The following INPP4B variants were observed in gnomAD, a reference collection of about 807,000 sequenced individuals.
INPP4B encodes inositol polyphosphate-4-phosphatase type II B, also known as inositol polyphosphate 4-phosphatase type II.
INPP4B carries 55 observed loss-of-function variants against 122.5 expected under a neutral mutation model. The ratio of observed to expected loss-of-function variants is 0.45; its 90% CI spans 0.36 to 0.56. The LOEUF (loss-of-function observed/expected upper bound fraction) is 0.56, where lower values mean the gene tolerates loss of function less well. Among genes scored for constraint, INPP4B ranks in the 20% least tolerant of loss-of-function variants. The pLI is 0.00. For missense variants in INPP4B, 1,000 were observed against 1,097.7 expected, an observed-to-expected ratio of 0.91 and a Z score of 1.26; for synonymous variants, 403 against 388.7, an observed-to-expected ratio of 1.04 and a Z score of -0.43.
intron 7 of INPP4B, among the ~76,000 whole-genome samples, chr4:142,370,108 C>T (rs900088757): frequency 6.6e-6 from 1 of 151,986 alleles, no homozygotes; most frequent in Non-Finnish European, 1.5e-5. Context: ...ATTTATAGAT[C>T]CTTTAACAGA....
intron 2 of INPP4B, among the ~76,000 whole-genome samples, chr4:142,524,501 GTTGT>G (rs1216128292): frequency 6.6e-6 from 1 of 151,912 alleles, no homozygotes; most frequent in Admixed American, 6.6e-5. Context: ...TTTTGATGGG[GTTGT>G]TTGTTTTTTT....
chr4:142,573,663 G>C (rs1733294975), intron 2 of INPP4B, among the ~76,000 whole-genome samples: 1 of 152,042 alleles, frequency 6.6e-6, no homozygotes, highest in Admixed American at 6.6e-5. Context: ...TTGGTAAAAG[G>C]ATGCAGTTGC....
chr4:142,260,549 C>T lies in INPP4B; in HGVS notation c.631G>A (p.Glu211Lys). The T allele has an allele frequency of 6.3e-7, 1 of 1,586,826 alleles. No homozygotes were observed. Among genetic ancestry groups the T allele is most frequent in the Non-Finnish European group, 8.6e-7 (1 of 1,162,178 alleles). The change falls in exon 11 of 26, where the codon GAA becomes AAA. Residue 211 changes from glutamate (E) to lysine (K), a missense_variant. Transcript: ENST00000262992. ...CTCACACTTTCCGGGGCTGTACATTCACATACCAGGGCACACTAGGAAAAA... is the reference window on the plus strand; with the variant it reads ...CTCACACTTTCCGGGGCTGTACATTTACATACCAGGGCACACTAGGAAAAA... ...VQGQKCALVC[E>K]CTAPESVSGK...
intron 2 of INPP4B, among the ~76,000 whole-genome samples, chr4:142,641,683 T>C (rs1024269973): frequency 2.0e-5 from 3 of 152,190 alleles, no homozygotes; most frequent in Non-Finnish European, 4.4e-5. Flanking sequence ...ACAATTTGGG[T>C]TGGTTCCAAG....
chr4:142,146,092 A>T (rs1810558854), intron 17 of INPP4B, 96 bp from the exon 18 acceptor site: 2 of 1,356,956 alleles, frequency 1.5e-6, no homozygotes, highest in Non-Finnish European at 1.0e-6. Context: ...TTGGAAGGGT[A>T]GTCATTAGAA....
At chr4:142,291,723 G>A (rs1756551713) in intron 9 of INPP4B, among the ~76,000 whole-genome samples, 2 of 152,026 alleles carry the variant, frequency 1.3e-5, no homozygotes, top group South Asian at 2.1e-4. Context: ...GCATTAGGTA[G>A]AAAGTTCATA....
Position 142,303,783 on chromosome 4 carries a change from G to A in INPP4B, c.503+1675C>T, listed in dbSNP as rs72722488. ...TCAAGATCAAATGACTAGGAATCAG[G>A]GGTATTAAAATCAAAAGTGAAGAAA... On this transcript the variant is annotated intron_variant, in intron 9 of 25. Transcript: ENST00000262992. Among the ~76,000 whole-genome samples, 821 of 152,108 alleles carry A rather than the reference G, an allele frequency of 5.4e-3. 5 individuals carry two copies. Among genetic ancestry groups the A allele is most frequent in the Non-Finnish European group, 9.3e-3 (635 of 67,954 alleles).
intron 3 of INPP4B, among the ~76,000 whole-genome samples, chr4:142,449,698 CAA>C (rs761552688): frequency 2.0e-4 from 21 of 105,078 alleles, no homozygotes; most frequent in Admixed American, 3.0e-4. Flanking sequence ...GACTCTGTCC[CAA>C]AAAAAAAAAA....
At chr4:142,192,461 T>C (rs993185687) in intron 15 of INPP4B, among the ~76,000 whole-genome samples, 7 of 151,700 alleles carry the variant, frequency 4.6e-5, no homozygotes, top group Non-Finnish European at 8.8e-5. Flanking sequence ...CAGAGAATAT[T>C]ATAGGATAAC....
intron 3 of INPP4B, among the ~76,000 whole-genome samples, chr4:142,438,066 G>A (rs963295651): frequency 6.6e-6 from 1 of 152,074 alleles, no homozygotes; most frequent in Non-Finnish European, 1.5e-5. Flanking sequence ...ACAAATAAAT[G>A]GAAAAACATT....
At chr4:142,128,294 C>T (rs988389327) in intron 18 of INPP4B, among the ~76,000 whole-genome samples, 2 of 151,060 alleles carry the variant, frequency 1.3e-5, no homozygotes, top group Non-Finnish European at 1.5e-5. Context: ...CTTGAAAAAA[C>T]TAAACTCAGA....
At chr4:142,047,204 T>TAAC (rs1752014017) in intron 25 of INPP4B, among the ~76,000 whole-genome samples, 1 of 152,086 alleles carries the variant, frequency 6.6e-6, no homozygotes, top group African/African-American at 2.4e-5. Context: ...TGCTCAGAGT[T>TAAC]AACTTTTTTG....
intron 7 of INPP4B, among the ~76,000 whole-genome samples, chr4:142,399,273 T>C (rs1430192715): frequency 7.5e-6 from 1 of 133,516 alleles, no homozygotes; most frequent in East Asian, 2.7e-4. Flanking sequence ...CTTGGCTCAC[T>C]GCAACCTCTG....
intron 3 of INPP4B, among the ~76,000 whole-genome samples, chr4:142,437,222 G>A (rs926355568): frequency 6.6e-6 from 1 of 151,974 alleles, no homozygotes; most frequent in Non-Finnish European, 1.5e-5. Flanking sequence ...AAAAAAGAAT[G>A]AAAAGGAACC....
At chr4:142,037,552 C>G (rs1744747355) in intron 25 of INPP4B, among the ~76,000 whole-genome samples, 1 of 152,138 alleles carries the variant, frequency 6.6e-6, no homozygotes, top group Admixed American at 6.6e-5. Context: ...ATTGAAAAAT[C>G]TTTCCTTCTG....
At chr4:142,457,445 A>G (rs1031695131) in intron 3 of INPP4B, among the ~76,000 whole-genome samples, 3 of 152,172 alleles carry the variant, frequency 2.0e-5, no homozygotes, top group African/African-American at 7.2e-5. Context: ...GAAAACAAAA[A>G]TATTCACTAA....
intron 1 of INPP4B, among the ~76,000 whole-genome samples, chr4:142,738,183 A>C (rs562473885): frequency 6.6e-6 from 1 of 152,338 alleles, no homozygotes; most frequent in African/African-American, 2.4e-5. Flanking sequence ...AGCACTATTC[A>C]CAGTAGCAAA....
At chr4:142,109,131 T>C (rs907150426) in intron 22 of INPP4B, among the ~76,000 whole-genome samples, 2 of 120,896 alleles carry the variant, frequency 1.7e-5, no homozygotes, top group Non-Finnish European at 3.9e-5. Flanking sequence ...CTATCTCTGG[T>C]AACCCTTCCT....
At chr4:142,294,265 A>C (rs1341164990) in intron 9 of INPP4B, among the ~76,000 whole-genome samples, 1 of 152,216 alleles carries the variant, frequency 6.6e-6, no homozygotes, top group African/African-American at 2.4e-5. Flanking sequence ...ATGACCTTCT[A>C]ATGATCATTA....
Sources: allele counts gnomAD v4.1 joint callset (sites outside exome capture counted in the v4.1 genomes callset), GRCh38; gene constraint gnomAD v4.1.1; transcripts MANE v1.5; gene names NCBI Gene and HGNC (gene_info 2026-07-23, HGNC 2026-07-21).